The following MICU1 variants were observed in gnomAD, a reference collection of about 807,000 sequenced individuals.
MICU1 encodes the protein calcium uptake protein 1, mitochondrial.
MICU1 carries 45 observed loss-of-function variants against 56.8 expected under a neutral mutation model. The observed-to-expected ratio is 0.79, with a 90% CI of 0.62 to 1.02. The LOEUF (loss-of-function observed/expected upper bound fraction) is 1.02. Among genes scored for constraint, MICU1 ranks in the 50% least tolerant of loss-of-function variants. MICU1 has a pLI of 0.00. For missense variants in MICU1, 504 were observed against 587.1 expected, an observed-to-expected ratio of 0.86 and a Z score of 1.46; for synonymous variants, 186 against 195.1, an observed-to-expected ratio of 0.95 and a Z score of 0.39.
intron 1 of MICU1, among the ~76,000 whole-genome samples, chr10:72,586,124 C>G (rs1223408534): frequency 7.0e-6 from 1 of 142,138 alleles, no homozygotes; most frequent in East Asian, 2.0e-4. Context: ...AAGCAGTTCT[C>G]CTGACTCAGC....
intron 1 of MICU1, among the ~76,000 whole-genome samples, chr10:72,605,374 A>G (rs1841658776): frequency 6.6e-6 from 1 of 152,248 alleles, no homozygotes; most frequent in South Asian, 2.1e-4. Flanking sequence ...CTCCATATTT[A>G]GCATATAATC....
chr10:72,548,445 T>C (rs1398066548), intron 4 of MICU1, among the ~76,000 whole-genome samples: 1 of 152,208 alleles, frequency 6.6e-6, no homozygotes, highest in Admixed American at 6.5e-5. Flanking sequence ...AATTGCAATA[T>C]TTAAAAAGTA....
intron 10 of MICU1, among the ~76,000 whole-genome samples, chr10:72,382,256 C>A (rs1017187641): frequency 1.3e-5 from 2 of 150,180 alleles, no homozygotes; most frequent in Admixed American, 6.7e-5. Context: ...ATTACAGGTG[C>A]CTGCCACCAC....
intron 8 of MICU1, among the ~76,000 whole-genome samples, chr10:72,465,105 A>G (rs1472822371): frequency 1.3e-5 from 2 of 152,062 alleles, no homozygotes; most frequent in Non-Finnish European, 1.5e-5. Context: ...GGTTCAAATG[A>G]TTCTCATGCC....
intron 10 of MICU1, among the ~76,000 whole-genome samples, chr10:72,378,755 C>A (rs572760521): frequency 6.6e-6 from 1 of 152,278 alleles, no homozygotes; most frequent in East Asian, 1.9e-4. Context: ...GGCCCCACCA[C>A]CAACGTGCTG....
At chr10:72,605,418 C>G (rs536291226) in intron 1 of MICU1, among the ~76,000 whole-genome samples, 30 of 152,292 alleles carry the variant, frequency 2.0e-4, no homozygotes, top group Non-Finnish European at 3.1e-4. Context: ...AGCCAGCAGC[C>G]CATGAGGGCT....
intron 9 of MICU1, among the ~76,000 whole-genome samples, chr10:72,415,889 A>G (rs1863967479): frequency 6.6e-6 from 1 of 152,182 alleles, no homozygotes; most frequent in Admixed American, 6.5e-5. Context: ...CGCCTTCCTA[A>G]GACATTGTTG....
At chr10:72,552,820 C>T (rs113573321) in intron 3 of MICU1, among the ~76,000 whole-genome samples, 5,606 of 152,288 alleles carry the variant, frequency 0.037, 323 homozygotes, top group African/African-American at 0.13. Context: ...TCCCAAAGTG[C>T]TGGGATTACA....
At chr10:72,418,912 T>C (rs1015830352) in intron 9 of MICU1, among the ~76,000 whole-genome samples, 9 of 152,218 alleles carry the variant, frequency 5.9e-5, no homozygotes, top group African/African-American at 2.2e-4. Context: ...ACAATCAATC[T>C]TAATCTCGTT....
intron 5 of MICU1, among the ~76,000 whole-genome samples, chr10:72,520,465 C>G (rs1867784373): frequency 6.6e-6 from 1 of 152,098 alleles, no homozygotes; most frequent in South Asian, 2.1e-4. Flanking sequence ...TATGATTCCT[C>G]CTTCTGACTC....
At chr10:72,438,888 T>C (rs1864824600) in intron 8 of MICU1, among the ~76,000 whole-genome samples, 1 of 152,140 alleles carries the variant, frequency 6.6e-6, no homozygotes, top group Admixed American at 6.5e-5. Context: ...TAACAGGCTC[T>C]GAAATTCAGG....
intron 8 of MICU1, among the ~76,000 whole-genome samples, chr10:72,447,327 T>A (rs1167916486): frequency 6.6e-6 from 1 of 152,160 alleles, no homozygotes; most frequent in African/African-American, 2.4e-5. Context: ...GACCTGGGAT[T>A]TGAAGAGATA....
chr10:72,593,393 A>G (rs1419612491), intron 1 of MICU1, among the ~76,000 whole-genome samples: 1 of 151,988 alleles, frequency 6.6e-6, no homozygotes, highest in African/African-American at 2.4e-5. Context: ...TGAGGTCAGG[A>G]GTTCAAGACC....
intron 8 of MICU1, among the ~76,000 whole-genome samples, chr10:72,436,084 T>C (rs535977960): frequency 6.6e-6 from 1 of 152,366 alleles, no homozygotes; most frequent in South Asian, 2.1e-4. Context: ...AGAATGCCTC[T>C]TCAAGTGGGT....
intron 8 of MICU1, among the ~76,000 whole-genome samples, chr10:72,462,598 A>G (rs575987363): frequency 1.3e-5 from 2 of 152,266 alleles, no homozygotes; most frequent in Non-Finnish European, 2.9e-5. Flanking sequence ...TAGATGAAAC[A>G]CTGAACTATA....
intron 8 of MICU1, among the ~76,000 whole-genome samples, chr10:72,449,515 GGCATGA>G (rs1865229972): frequency 6.6e-6 from 1 of 152,190 alleles, no homozygotes; most frequent in Admixed American, 6.5e-5. Context: ...TGGGATTAAA[GGCATGA>G]GCCACTGCAC....
intron 5 of MICU1, among the ~76,000 whole-genome samples, chr10:72,530,372 A>AATAATAATGATAATAATG (rs538954555): frequency 6.9e-6 from 1 of 143,956 alleles, no homozygotes; most frequent in Non-Finnish European, 1.5e-5. Context: ...TAATAATAAT[A>AATAATAATGATAATAATG]ATGCCAGAAT....
chr10:72,612,614 T>C (rs562760335), intron 1 of MICU1, among the ~76,000 whole-genome samples: 3 of 152,032 alleles, frequency 2.0e-5, no homozygotes, highest in Admixed American at 6.6e-5. Flanking sequence ...CTGGGCAAGA[T>C]AGCAAGACCC....
At chr10:72,401,520 G>A (rs1863454647) in intron 10 of MICU1, among the ~76,000 whole-genome samples, 1 of 152,158 alleles carries the variant, frequency 6.6e-6, no homozygotes, top group African/African-American at 2.4e-5. Flanking sequence ...CAGGTGTGGT[G>A]GCACGCACCT....
Sources: gnomAD v4.1 joint callset for allele counts (sites outside exome capture counted in the v4.1 genomes callset) on GRCh38, gnomAD v4.1.1 for gene constraint, MANE v1.5 for transcripts, NCBI Gene and HGNC (gene_info 2026-07-23, HGNC 2026-07-21) for gene names.